Variants in COPG2 observed in about 807,000 individuals in gnomAD.
COPG2 encodes coat protein complex I subunit gamma 2, also known as coatomer subunit gamma-2.
In COPG2, 37 loss-of-function variants were observed where a neutral mutation model predicts 46.3. That is an observed-to-expected ratio of 0.80 (90% CI 0.61 to 1.05). The LOEUF (loss-of-function observed/expected upper bound fraction) is 1.05, where lower values mean the gene tolerates loss of function less well. Ranked by LOEUF, COPG2 falls within the 50% of genes least tolerant of loss-of-function variation. COPG2 has a pLI of 0.00. For missense variants in COPG2, 427 were observed against 387.8 expected (o/e 1.10, Z -0.85); for synonymous variants, 159 against 129.7 (o/e 1.23, Z -1.53).
chr7:130,644,659 T>C (rs1795557805), intron 5 of COPG2, among the ~76,000 whole-genome samples: 1 of 152,354 alleles, frequency 6.6e-6, no homozygotes, highest in East Asian at 1.9e-4. Context: ...TTGGAAGCTA[T>C]TTCCTTGGAA....
intron 20 of COPG2, among the ~76,000 whole-genome samples, chr7:130,513,308 A>AAAATATAT (rs1236511164): frequency 5.4e-5 from 3 of 55,674 alleles, no homozygotes; most frequent in Admixed American, 5.3e-4. Flanking sequence ...AAAAAAAAAA[A>AAAATATAT]ATATATATAT....
intron 5 of COPG2, among the ~76,000 whole-genome samples, chr7:130,652,326 T>C (rs538932181): frequency 1.3e-5 from 2 of 152,366 alleles, no homozygotes; most frequent in East Asian, 3.9e-4. Context: ...TTTATTACTC[T>C]GTCTCCTTTG....
chr7:130,608,589 A>G (rs1169343068), intron 9 of COPG2, among the ~76,000 whole-genome samples: 1 of 152,198 alleles, frequency 6.6e-6, no homozygotes, highest in East Asian at 1.9e-4. Flanking sequence ...ATAGAACTCC[A>G]GATTTTCAGT....
intron 5 of COPG2, among the ~76,000 whole-genome samples, chr7:130,647,321 G>C (rs1172135968): frequency 6.6e-6 from 1 of 152,148 alleles, no homozygotes; most frequent in African/African-American, 2.4e-5. Flanking sequence ...ACAGGTGTGA[G>C]GCACTGTGCC....
chr7:130,524,668 G>A (rs1468244205), intron 20 of COPG2, among the ~76,000 whole-genome samples: 1 of 152,168 alleles, frequency 6.6e-6, no homozygotes, highest in Admixed American at 6.5e-5. Flanking sequence ...GGGGCAAAGT[G>A]TGTGACGCAG....
intron 20 of COPG2, among the ~76,000 whole-genome samples, chr7:130,512,888 G>C (rs1799617478): frequency 6.6e-6 from 1 of 152,130 alleles, no homozygotes; most frequent in Non-Finnish European, 1.5e-5. Flanking sequence ...ACATTTCCTA[G>C]GGAAACATGA....
At chr7:130,622,010 T>C (rs1245199321) in intron 5 of COPG2, among the ~76,000 whole-genome samples, 4 of 148,474 alleles carry the variant, frequency 2.7e-5, no homozygotes, top group African/African-American at 9.9e-5. Flanking sequence ...CCATGTACCA[T>C]AGCTTGTCAA....
At chr7:130,634,374 G>A (rs1424847350) in intron 5 of COPG2, among the ~76,000 whole-genome samples, 3 of 152,082 alleles carry the variant, frequency 2.0e-5, no homozygotes, top group Admixed American at 2.0e-4. Context: ...TTTTCCATTT[G>A]TTTGTGTCCT....
At position 130,651,586 on chromosome 7, in the gene COPG2, G is replaced by A. The variant is rs567318884; in HGVS notation, c.323+1283C>T. Among the ~76,000 whole-genome samples, 528 of 131,818 alleles carry A rather than the reference G, an allele frequency of 4.0e-3. 2 individuals carry two copies. Among genetic ancestry groups the A allele is most frequent in the African/African-American group, 0.014 (495 of 34,976 alleles). 86.5% of individuals were successfully genotyped at this position (131,818 alleles called of 152,430 possible). ...CTGCGGACTGCAGTGGCGCAATCTCGGCTCACTGCAAGCTCCGCTTCCCGG... is the reference window on the plus strand; with the variant it reads ...CTGCGGACTGCAGTGGCGCAATCTCAGCTCACTGCAAGCTCCGCTTCCCGG... On this transcript the variant is annotated intron_variant, in intron 5 of 23. Transcript: ENST00000425248.
intron 4 of COPG2, among the ~76,000 whole-genome samples, chr7:130,657,750 A>C (rs1299706181): frequency 1.3e-5 from 2 of 152,238 alleles, no homozygotes; most frequent in Non-Finnish European, 2.9e-5. Flanking sequence ...TCACCAACAG[A>C]AGATATACGG....
At position 130,590,681 on chromosome 7, in the gene COPG2, G is replaced by A. The variant is rs1471248247; in HGVS notation, c.737+20272C>T. Among the ~76,000 whole-genome samples the A allele has an allele frequency of 5.9e-5, 9 of 151,872 alleles. No individual in the cohort carries two copies. The South Asian group carries it at 8.3e-4, about 14-fold the overall frequency. On this transcript the variant is annotated intron_variant, in intron 9 of 23. Transcript: ENST00000425248. ...GCAGCCTCTGCCCGGCCACCACCCC[G>A]TCTGGGAAGTGAGGAGCGTCTCTGC... is the stretch of plus-strand genomic sequence containing the variant.
chr7:130,607,548 T>C (rs1219526221), intron 9 of COPG2: 2 of 424,240 alleles, frequency 4.7e-6, no homozygotes, highest in Non-Finnish European at 9.3e-6. Flanking sequence ...CATAGTGAGT[T>C]GCAGCTGAAT....
At chr7:130,558,103 T>C (rs1053135912) in intron 12 of COPG2, among the ~76,000 whole-genome samples, 28 of 152,110 alleles carry the variant, frequency 1.8e-4, no homozygotes, top group Non-Finnish European at 3.2e-4. Flanking sequence ...AAATTTTCTT[T>C]CAGCTTTCCC....
At chr7:130,656,338 A>T (rs952048683) in intron 4 of COPG2, among the ~76,000 whole-genome samples, 4 of 152,160 alleles carry the variant, frequency 2.6e-5, no homozygotes, top group African/African-American at 9.6e-5. Context: ...AGCTTCCTAG[A>T]AATAAAAGAG....
chr7:130,557,881 T>C (rs1793657098), intron 12 of COPG2, among the ~76,000 whole-genome samples: 1 of 104,510 alleles, frequency 9.6e-6, no homozygotes, highest in South Asian at 3.0e-4. Flanking sequence ...TAAAGAACTA[T>C]GATGGAGGGC....
At chr7:130,550,188 ATC>A in intron 17 of COPG2, among the ~76,000 whole-genome samples, 1 of 152,224 alleles carries the variant, frequency 6.6e-6, no homozygotes, top group Non-Finnish European at 1.5e-5. Flanking sequence ...AGGTGGGTGG[ATC>A]ACCTGAGGTC....
rs2116392663 is a variant in COPG2 at position 130,554,932 on chromosome 7, AG to A, written c.1224+104del. 6 of 397,738 alleles carry A rather than the reference AG, an allele frequency of 1.5e-5. No individual in the cohort carries two copies. In the East Asian group the frequency reaches 2.1e-4, roughly 14 times the overall value. The allele number at this position is 397,738 out of a possible 1,614,324, so 24.6% of individuals were successfully genotyped here. ...AACCAGACTTAGTGTACTACTTGAG[AG>A]GCATACTGAGATGATAAGGAAATCT... On this transcript the variant is annotated intron_variant, in intron 13 of 23. Coordinates refer to ENST00000425248, the MANE Select transcript of COPG2 (RefSeq NM_012133.6).
At chr7:130,577,261 G>C (rs1368543070) in intron 9 of COPG2, among the ~76,000 whole-genome samples, 3 of 152,326 alleles carry the variant, frequency 2.0e-5, no homozygotes, top group East Asian at 1.9e-4. Flanking sequence ...TGAGGTACTG[G>C]GTTCATCTCA....
At chr7:130,518,122 ATATG>A (rs1238614850) in intron 20 of COPG2, among the ~76,000 whole-genome samples, 1 of 152,226 alleles carries the variant, frequency 6.6e-6, no homozygotes, top group Non-Finnish European at 1.5e-5. Flanking sequence ...AATTATGAAA[ATATG>A]TATGAGGATA....
Sources: allele counts gnomAD v4.1 joint callset (sites outside exome capture counted in the v4.1 genomes callset), GRCh38; gene constraint gnomAD v4.1.1; transcripts MANE v1.5; gene names NCBI Gene and HGNC (gene_info 2026-07-23, HGNC 2026-07-21).